LZTS1: variants seen among roughly 807,000 people sequenced by gnomAD.
The protein encoded by LZTS1 is leucine zipper putative tumor suppressor 1.
LZTS1 carries 31 observed loss-of-function variants against 45.8 expected under a neutral mutation model. The observed-to-expected ratio is 0.68, with a 90% CI of 0.51 to 0.91. LZTS1 has a LOEUF of 0.91. Among genes scored for constraint, LZTS1 ranks in the 40% least tolerant of loss-of-function variants. The probability of loss-of-function intolerance (pLI) is 0.00; values close to 1 mark genes in which losing one functional copy is unlikely to be tolerated. For synonymous variants in LZTS1, 359 were observed against 357.3 expected (o/e 1.00, Z -0.05); for missense variants, 821 against 788.9 (o/e 1.04, Z -0.49).
intron 1 of LZTS1, among the ~76,000 whole-genome samples, chr8:20,273,781 T>A (rs117666594): frequency 0.35 from 52,578 of 151,786 alleles, 10,292 homozygotes; most frequent in Non-Finnish European, 0.43. Flanking sequence ...TATATTTGTT[T>A]TTTTTTTTCC....
chr8:20,266,248 A>G (rs1439708036), intron 1 of LZTS1, among the ~76,000 whole-genome samples: 1 of 152,138 alleles, frequency 6.6e-6, no homozygotes, highest in African/African-American at 2.4e-5. Context: ...GCTGGTCTCA[A>G]ACTCCTGGGC....
chr8:20,278,513 G>C (rs1800627499), intron 1 of LZTS1, among the ~76,000 whole-genome samples: 1 of 152,156 alleles, frequency 6.6e-6, no homozygotes, highest in Admixed American at 6.5e-5. Flanking sequence ...CTCCCACCGG[G>C]CTCTCTTACA....
At position 20,254,853 on chromosome 8, in the gene LZTS1, G is replaced by C; in HGVS notation, c.329C>G (p.Ser110Cys). The C allele has an allele frequency of 6.2e-7, 1 of 1,608,818 alleles. No individual in the cohort carries two copies. Among genetic ancestry groups the C allele is most frequent in the South Asian group, 1.1e-5 (1 of 90,814 alleles). The change falls in exon 2 of 4, where the codon TCC (serine) becomes TGC (cysteine). Residue 110 changes from serine (S) to cysteine (C), a missense_variant. Coordinates refer to ENST00000381569, the MANE Select transcript of LZTS1 (RefSeq NM_021020.5). Reference sequence around the variant, plus strand: ...CCCGCTTACCATTTCTAGCTGATTGGAGAAGGGCATGAGCTTGGGGGGTGT... The same window carrying C: ...CCCGCTTACCATTTCTAGCTGATTGCAGAAGGGCATGAGCTTGGGGGGTGT... ...PSTPPKLMPFSNQLEMGSEKG... is the reference protein window; with the variant it reads ...PSTPPKLMPFCNQLEMGSEKG...
intron 1 of LZTS1, among the ~76,000 whole-genome samples, chr8:20,276,203 C>T (rs62499980): frequency 0.26 from 38,962 of 151,196 alleles, 5,881 homozygotes; most frequent in African/African-American, 0.41. Context: ...GGTCTTTGAC[C>T]CCATTTCCTG....
intron 1 of LZTS1, among the ~76,000 whole-genome samples, chr8:20,297,023 C>A (rs1257931474): frequency 2.0e-5 from 3 of 152,186 alleles, no homozygotes; most frequent in East Asian, 3.9e-4. Flanking sequence ...CCTCCCTTCG[C>A]TCCCCTCCTT....
At chr8:20,289,225 G>C (rs1800853811) in intron 1 of LZTS1, 1 of 152,092 alleles carries the variant, frequency 6.6e-6, no homozygotes, top group Non-Finnish European at 1.5e-5. Context: ...CTCTTAAAGT[G>C]CTTGGAAGTC....
chr8:20,292,044 G>A (rs1240498008), intron 1 of LZTS1, among the ~76,000 whole-genome samples: 1 of 152,240 alleles, frequency 6.6e-6, no homozygotes, highest in African/African-American at 2.4e-5. Context: ...GCCCCCAGGG[G>A]TCCCCTCTCT....
rs907957813 is a variant in LZTS1 at position 20,246,714 on chromosome 8, C to G, written c.*3008G>C. On this transcript the variant is annotated 3_prime_UTR_variant, in exon 4 of 4. Coordinates refer to ENST00000381569, the MANE Select transcript of LZTS1 (RefSeq NM_021020.5). ...GTTCACTGGGAGAGCTAGGAGGGAACCCCGTGACAGTCCAGTCGTTCCCAG... is the reference window on the plus strand; with the variant it reads ...GTTCACTGGGAGAGCTAGGAGGGAAGCCCGTGACAGTCCAGTCGTTCCCAG... The G allele has an allele frequency of 2.0e-5, 3 of 152,620 alleles. No individual in the cohort carries two copies. The highest frequency in any genetic ancestry group is 7.2e-5 in the African/African-American group (3 of 41,478). 9.5% of individuals were successfully genotyped at this position (152,620 alleles called of 1,614,324 possible).
chr8:20,294,203 G>C (rs978008482), intron 1 of LZTS1, among the ~76,000 whole-genome samples: 1 of 152,184 alleles, frequency 6.6e-6, no homozygotes, highest in African/African-American at 2.4e-5. Flanking sequence ...TGCGGCTCTA[G>C]AATAGAAGTA....
At chr8:20,284,437 C>T (rs535959336) in intron 1 of LZTS1, among the ~76,000 whole-genome samples, 1 of 152,208 alleles carries the variant, frequency 6.6e-6, no homozygotes, top group East Asian at 1.9e-4. Flanking sequence ...AGCCCGCAGC[C>T]ATCAGAGCAG....
chr8:20,266,202 G>C (rs1800351110), intron 1 of LZTS1, among the ~76,000 whole-genome samples: 1 of 151,908 alleles, frequency 6.6e-6, no homozygotes, highest in Admixed American at 6.6e-5. Context: ...TTTAAATTTT[G>C]TGCAGAGACA....
At chr8:20,288,340 T>C (rs934803480) in intron 1 of LZTS1, among the ~76,000 whole-genome samples, 1 of 152,144 alleles carries the variant, frequency 6.6e-6, no homozygotes, top group African/African-American at 2.4e-5. Context: ...AGAAGCTGCC[T>C]GGAGACAGCC....
chr8:20,266,601 C>G (rs1187983601), intron 1 of LZTS1, among the ~76,000 whole-genome samples: 2 of 146,704 alleles, frequency 1.4e-5, no homozygotes, highest in Non-Finnish European at 3.0e-5. Context: ...TGGACCAAGA[C>G]AAAAAAAAAA....
chr8:20,287,455 T>G (rs924509630), intron 1 of LZTS1, among the ~76,000 whole-genome samples: 3 of 152,148 alleles, frequency 2.0e-5, no homozygotes, highest in African/African-American at 7.2e-5. Context: ...GTTCTTTCGC[T>G]CCCACCCTCA....
intron 1 of LZTS1, among the ~76,000 whole-genome samples, chr8:20,264,793 C>T (rs1454489827): frequency 2.6e-5 from 4 of 152,312 alleles, no homozygotes; most frequent in African/African-American, 9.6e-5. Flanking sequence ...TTGCCAAGCT[C>T]ATATCACAAA....
At chr8:20,268,737 G>GGCTGAGGTT (rs1304522635) in intron 1 of LZTS1, among the ~76,000 whole-genome samples, 1 of 151,998 alleles carries the variant, frequency 6.6e-6, no homozygotes, top group Admixed American at 6.6e-5. Context: ...CATGAGGAGG[G>GGCTGAGGTT]GCTGAGGTTG....
At chr8:20,302,629 G>A (rs535005774) in intron 1 of LZTS1, among the ~76,000 whole-genome samples, 1 of 152,322 alleles carries the variant, frequency 6.6e-6, no homozygotes, top group Admixed American at 6.5e-5. Flanking sequence ...CTTATTAGGA[G>A]CAGCGCCTGC....
Position 20,253,520 on chromosome 8 carries a change from G to T in LZTS1, c.411C>A (p.Ile137=). 6.4e-7 allele frequency: 1 copy of T among 1,550,710 alleles called. No individual in the cohort carries two copies. The highest frequency in any genetic ancestry group is 8.7e-7 in the Non-Finnish European group (1 of 1,150,710). The change falls in exon 3 of 4, where the codon ATC becomes ATA. Residue 137 remains isoleucine (I), a synonymous_variant. Transcript: ENST00000381569. ...FKPVLPRSGA[I]LHSSPESASH... is the part of the protein sequence containing the mutation. ...TGGCACTCTCCGGGGAGGAGTGCAGGATGGCTCCTGACCGTGGCAGCACAG... is the reference window on the plus strand; with the variant it reads ...TGGCACTCTCCGGGGAGGAGTGCAGTATGGCTCCTGACCGTGGCAGCACAG...
intron 1 of LZTS1, among the ~76,000 whole-genome samples, chr8:20,261,501 C>A (rs1179092608): frequency 1.3e-5 from 2 of 152,268 alleles, no homozygotes; most frequent in South Asian, 2.1e-4. Flanking sequence ...CACTTTTGAG[C>A]GGCTTCTACT....
Sources: gnomAD v4.1 joint callset for allele counts (sites outside exome capture counted in the v4.1 genomes callset) on GRCh38, gnomAD v4.1.1 for gene constraint, MANE v1.5 for transcripts, NCBI Gene and HGNC (gene_info 2026-07-23, HGNC 2026-07-21) for gene names.